RAD54L2: variants seen among roughly 807,000 people sequenced by gnomAD.
RAD54L2 encodes helicase ARIP4.
A neutral mutation model predicts 138.4 loss-of-function variants in RAD54L2; 27 were observed. The observed-to-expected ratio is 0.20, with a 90% confidence interval of 0.14 to 0.27. RAD54L2 has a LOEUF of 0.27. Among genes scored for constraint, RAD54L2 ranks in the 10% least tolerant of loss-of-function variants. The pLI is 1.00. For missense variants in RAD54L2, 1,396 were observed against 1,890.2 expected, an observed-to-expected ratio of 0.74 and a Z score of 4.85; for synonymous variants, 644 against 723.2, an observed-to-expected ratio of 0.89 and a Z score of 1.76.
At chr3:51,545,672 CA>C (rs1698673395) in intron 2 of RAD54L2, among the ~76,000 whole-genome samples, 2 of 152,024 alleles carry the variant, frequency 1.3e-5, no homozygotes, top group African/African-American at 2.4e-5. Flanking sequence ...CTTGACCTCT[CA>C]GGCTCGAGCA....
At chr3:51,622,923 C>A (rs1414249377) in intron 3 of RAD54L2, among the ~76,000 whole-genome samples, 1 of 152,256 alleles carries the variant, frequency 6.6e-6, no homozygotes, top group East Asian at 1.9e-4. Flanking sequence ...CCAGGTCTCG[C>A]TCTTCCCAAG....
rs1701017922 is a variant in RAD54L2, at chr3:51,637,562, A to C, written c.1682+59A>C. Reference sequence around the variant, plus strand: ...TTCAGAGGGCCCTGTTGCCAAGGGCATGCCAAACCTGTTATACAGGATAGG... The same window carrying C: ...TTCAGAGGGCCCTGTTGCCAAGGGCCTGCCAAACCTGTTATACAGGATAGG... On this transcript the variant is annotated intron_variant, in intron 11 of 22. Transcript: ENST00000684192. This position sits in a 1 kb window ranked among gnomAD's most constrained non-coding sequence, Gnocchi z 5.9. 2.7e-6 allele frequency: 4 copies of C among 1,495,420 alleles called. No homozygotes were observed. The highest frequency in any genetic ancestry group is 1.2e-5 in the South Asian group (1 of 80,076). 92.6% of individuals were successfully genotyped at this position (1,495,420 alleles called of 1,614,324 possible).
In RAD54L2 at chr3:51,641,799, A is replaced by G. The variant is rs1701143056; in HGVS notation, c.2282A>G (p.Glu761Gly). 16 of 1,601,346 alleles carry G rather than the reference A, an allele frequency of 1.0e-5. No individual in the cohort carries two copies. Among genetic ancestry groups the G allele is most frequent in the Non-Finnish European group, 1.2e-5 (14 of 1,173,752 alleles). The part of the protein sequence containing the change: ...ALIEEFLGKR[E>G]VPCPPGTEGQ... ...ATCGAGGAATTCCTTGGAAAACGAGAAGTACCCTGTCCACCTGGTACCGAG... is the reference window on the plus strand; with the variant it reads ...ATCGAGGAATTCCTTGGAAAACGAGGAGTACCCTGTCCACCTGGTACCGAG... The change falls in exon 15 of 23, where the codon GAA (glutamate) becomes GGA (glycine). Residue 761 changes from glutamate to glycine, a missense_variant. This residue lies in a region of RAD54L2 where 211 missense variants were observed against 273.8 expected (regional missense o/e 0.77). Coordinates refer to ENST00000684192, the MANE Select transcript of RAD54L2 (RefSeq NM_015106.4).
At chr3:51,562,690 G>A (rs1019974113) in intron 2 of RAD54L2, among the ~76,000 whole-genome samples, 1 of 151,956 alleles carries the variant, frequency 6.6e-6, no homozygotes, top group African/African-American at 2.4e-5. Flanking sequence ...TTGTTTGTTT[G>A]TTTTGTAGAG....
chr3:51,541,346 T>G (rs1698543728), intron 1 of RAD54L2: 1 of 152,244 alleles, frequency 6.6e-6, no homozygotes, highest in African/African-American at 2.4e-5. Context: ...AGTTTAGCTA[T>G]CACTGTGAGT....
intron 2 of RAD54L2, among the ~76,000 whole-genome samples, chr3:51,570,253 C>T (rs937555341): frequency 8.8e-5 from 13 of 147,396 alleles, no homozygotes; most frequent in Admixed American, 4.2e-4. Flanking sequence ...TAGCAATTCT[C>T]CTCCCTCAGC....
Position 51,590,412 on chromosome 3 carries a change from C to T in RAD54L2, c.-9C>T. On this transcript the variant is annotated 5_prime_UTR_variant, in exon 3 of 23. Coordinates refer to ENST00000684192, the MANE Select transcript of RAD54L2 (RefSeq NM_015106.4). The stretch of plus-strand genomic sequence containing the variant: ...AGTCGGTAATGCCCACTGAGGACCT[C>T]TGGGAGCCATGTCAGACGAATCTGC... The T allele has an allele frequency of 2.0e-6, 3 of 1,527,098 alleles. No homozygotes were observed. The highest frequency in any genetic ancestry group is 1.3e-5 in the South Asian group (1 of 79,586). 94.6% of individuals were successfully genotyped at this position (1,527,098 alleles called of 1,614,324 possible). A position where few individuals can be genotyped will look rare whatever the true frequency, so the allele number is the denominator to read the frequency against.
rs1233744048 is a variant in RAD54L2 at position 51,601,982 on chromosome 3, C to T, written c.139+11423C>T. 4.4e-4 allele frequency among the ~76,000 whole-genome samples: 67 copies of T among 151,704 alleles called. 1 individual carries two copies. The highest frequency in any genetic ancestry group is 2.9e-5 in the Non-Finnish European group (2 of 67,948). On this transcript the variant is annotated intron_variant, in intron 3 of 22. Coordinates refer to ENST00000684192, the MANE Select transcript of RAD54L2 (RefSeq NM_015106.4). ...AGTTGCCAGGATTGTAGGCGCCTGCCACCATGCCCAGCTAAGTTTTTGTAT... is the reference window on the plus strand; with the variant it reads ...AGTTGCCAGGATTGTAGGCGCCTGCTACCATGCCCAGCTAAGTTTTTGTAT...
At chr3:51,651,784 T>A (rs573009007) in intron 19 of RAD54L2, among the ~76,000 whole-genome samples, 25 of 152,260 alleles carry the variant, frequency 1.6e-4, no homozygotes, top group Non-Finnish European at 2.6e-4. Flanking sequence ...ATGGAACGTA[T>A]CTCAAAATAA....
chr3:51,643,701 A>G (rs1701199238), intron 15 of RAD54L2, among the ~76,000 whole-genome samples, 174 bp from the exon 16 acceptor site: 1 of 152,214 alleles, frequency 6.6e-6, no homozygotes, highest in African/African-American at 2.4e-5. Context: ...GGTATTTTCA[A>G]ATTATAGATG....
chr3:51,666,618 T>A lies in RAD54L2; in HGVS notation c.*3198T>A, dbSNP rs1036077996. ...TGATTTCCTTTTCTTAATATATTTG[T>A]AGATAAAAATTGAACAGGGACAAAG... On this transcript the variant is annotated 3_prime_UTR_variant, in exon 23 of 23. Coordinates refer to ENST00000684192, the MANE Select transcript of RAD54L2 (RefSeq NM_015106.4). 1 of 152,232 alleles carries A rather than the reference T, an allele frequency of 6.6e-6. No individual in the cohort carries two copies. Among genetic ancestry groups the A allele is most frequent in the Non-Finnish European group, 1.5e-5 (1 of 68,030 alleles). 9.4% of individuals were successfully genotyped at this position (152,232 alleles called of 1,614,324 possible). A position where few individuals can be genotyped will look rare whatever the true frequency, so the allele number is the denominator to read the frequency against.
At chr3:51,614,165 T>C (rs1218071770) in intron 3 of RAD54L2, among the ~76,000 whole-genome samples, 1 of 151,982 alleles carries the variant, frequency 6.6e-6, no homozygotes, top group Non-Finnish European at 1.5e-5. Flanking sequence ...TCTGTTTCTT[T>C]TTTTTTTTTC....
At chr3:51,615,434 A>G (rs1700424879) in intron 3 of RAD54L2, among the ~76,000 whole-genome samples, 1 of 152,248 alleles carries the variant, frequency 6.6e-6, no homozygotes, top group Admixed American at 6.5e-5. Context: ...AAATAAACAT[A>G]TTGAATAAGA....
At chr3:51,594,929 A>G (rs1052557459) in intron 3 of RAD54L2, among the ~76,000 whole-genome samples, 6 of 134,986 alleles carry the variant, frequency 4.4e-5, no homozygotes, top group African/African-American at 1.8e-4. Flanking sequence ...TGGTGGCACA[A>G]TCTTGGCTCA....
intron 14 of RAD54L2, among the ~76,000 whole-genome samples, chr3:51,640,719 T>G (rs1244253055): frequency 1.3e-5 from 2 of 152,228 alleles, no homozygotes; most frequent in Non-Finnish European, 2.9e-5. Context: ...GGACACTGGC[T>G]CTCATGGTAT....
At chr3:51,572,187 G>A (rs1291403845) in intron 2 of RAD54L2, among the ~76,000 whole-genome samples, 2 of 152,100 alleles carry the variant, frequency 1.3e-5, no homozygotes, top group Admixed American at 6.6e-5. Context: ...GTTGGCTCAC[G>A]CCAATAATCT....
At chr3:51,545,660 G>C (rs1351914179) in intron 2 of RAD54L2, among the ~76,000 whole-genome samples, 3 of 151,748 alleles carry the variant, frequency 2.0e-5, no homozygotes, top group African/African-American at 7.3e-5. Flanking sequence ...GCTCACTGTA[G>C]CCTTGACCTC....
chr3:51,611,353 A>C (rs1404577911), intron 3 of RAD54L2: 4 of 152,054 alleles, frequency 2.6e-5, no homozygotes, highest in Non-Finnish European at 4.4e-5. Context: ...AATGCATAAT[A>C]ATCGCATTAT....
chr3:51,574,407 T>C (rs890313434), intron 2 of RAD54L2, among the ~76,000 whole-genome samples: 3 of 152,210 alleles, frequency 2.0e-5, no homozygotes, highest in Admixed American at 1.3e-4. Context: ...TCTAGATCCT[T>C]GAGGAATCGC....
Sources: allele counts gnomAD v4.1 joint callset (sites outside exome capture counted in the v4.1 genomes callset), GRCh38; gene constraint gnomAD v4.1.1; regional missense constraint gnomAD v4.1.1; non-coding constraint Gnocchi (gnomAD v3.1); transcripts MANE v1.5; gene names NCBI Gene and HGNC (gene_info 2026-07-23, HGNC 2026-07-21).